WDR49: variants seen among roughly 807,000 people sequenced by gnomAD.
WDR49 encodes the protein WD repeat domain 49, also known as cilia- and flagella-associated protein 337.
In WDR49, 107 loss-of-function variants were observed where a neutral mutation model predicts 119.5. The observed-to-expected ratio is 0.90, with a 90% CI of 0.77 to 1.05. The LOEUF (loss-of-function observed/expected upper bound fraction) is 1.05. WDR49 is among the 50% of genes least tolerant of loss of function. The pLI is 0.00. For missense variants in WDR49, 1,240 were observed against 1,220.5 expected, an observed-to-expected ratio of 1.02 and a Z score of -0.24; for synonymous variants, 425 against 418.8, an observed-to-expected ratio of 1.01 and a Z score of -0.18.
Position 167,582,745 on chromosome 3 carries a change from T to C in WDR49, c.1276-6594A>G, listed in dbSNP as rs58465081. Among the ~76,000 whole-genome samples, 1,043 of 151,748 alleles carry C rather than the reference T, an allele frequency of 6.9e-3. 55 individuals carry two copies. In the East Asian group the frequency reaches 0.13, roughly 20 times the overall value. ...CAGGCAGACCACTTGGGGTCAGGAGTTGACCTGCCTGGCCAACATGGTGAA... is the reference window on the plus strand; with the variant it reads ...CAGGCAGACCACTTGGGGTCAGGAGCTGACCTGCCTGGCCAACATGGTGAA... On this transcript the variant is annotated intron_variant, in intron 7 of 18. Coordinates refer to ENST00000682715, the MANE Select transcript of WDR49 (RefSeq NM_001366157.1).
At chr3:167,520,334 G>A (rs1427140760) in intron 16 of WDR49, among the ~76,000 whole-genome samples, 1 of 152,034 alleles carries the variant, frequency 6.6e-6, no homozygotes, top group African/African-American at 2.4e-5. Context: ...ACAGGAATCT[G>A]TAATACTTGC....
intron 10 of WDR49, among the ~76,000 whole-genome samples, chr3:167,537,691 TG>T (rs1403391248): frequency 6.6e-6 from 1 of 152,096 alleles, no homozygotes; most frequent in Non-Finnish European, 1.5e-5. Flanking sequence ...TTGTGCCTGG[TG>T]GGGAAGGGAG....
chr3:167,536,521 A>G (rs1179957681), intron 11 of WDR49, among the ~76,000 whole-genome samples: 2 of 151,634 alleles, frequency 1.3e-5, no homozygotes, highest in East Asian at 1.9e-4. Flanking sequence ...TCTACTAAAA[A>G]TACAAAAAAC....
upstream of WDR49, among the ~76,000 whole-genome samples, chr3:167,657,541 C>G (rs182234262): frequency 2.0e-3 from 300 of 151,224 alleles, 2 homozygotes; most frequent in African/African-American, 7.0e-3. Flanking sequence ...TCCTCCCCCC[C>G]CACAATTTAT....
At chr3:167,489,584 G>C (rs1577192690) in intron 18 of WDR49, among the ~76,000 whole-genome samples, 1 of 152,136 alleles carries the variant, frequency 6.6e-6, no homozygotes, top group East Asian at 1.9e-4. Flanking sequence ...GAAAAGGAAA[G>C]ATGTGGTGGT....
At chr3:167,552,077 G>A (rs376427869) in intron 10 of WDR49, among the ~76,000 whole-genome samples, 8 of 152,106 alleles carry the variant, frequency 5.3e-5, no homozygotes, top group Non-Finnish European at 8.8e-5. Context: ...GAAACAGTAC[G>A]GCTTGTATGT....
At chr3:167,605,645 G>C (rs59289591) in intron 5 of WDR49, among the ~76,000 whole-genome samples, 4,449 of 152,260 alleles carry the variant, frequency 0.029, 194 homozygotes, top group East Asian at 0.17. Context: ...AAAGAAATCA[G>C]TGTGACTTTC....
chr3:167,635,917 T>A (rs768734138), intron 2 of WDR49, among the ~76,000 whole-genome samples: 14 of 151,758 alleles, frequency 9.2e-5, no homozygotes, highest in Admixed American at 2.6e-4. Context: ...ATTAAGTGTC[T>A]GTTCCATGCC....
intron 18 of WDR49, among the ~76,000 whole-genome samples, chr3:167,496,949 A>T (rs1253452504): frequency 6.6e-6 from 1 of 152,144 alleles, no homozygotes; most frequent in Non-Finnish European, 1.5e-5. Flanking sequence ...TTAATGTCTC[A>T]ATATCTGAAG....
At chr3:167,542,463 T>C (rs1481997379) in intron 10 of WDR49, among the ~76,000 whole-genome samples, 1 of 152,084 alleles carries the variant, frequency 6.6e-6, no homozygotes, top group Non-Finnish European at 1.5e-5. Flanking sequence ...GGAATAAAAT[T>C]GGAAATTAGC....
Position 167,526,360 on chromosome 3 carries a change from CG to C in WDR49, c.2604+1459del, listed in dbSNP as rs1577218072. On this transcript the variant is annotated intron_variant, in intron 15 of 18. Coordinates refer to ENST00000682715, the MANE Select transcript of WDR49 (RefSeq NM_001366157.1). ...ACGGTGTTATTTCTTGGTTCGACCC[CG>C]GATGTCTAAGGAACTTCTTAGGTCA... 2.0e-5 allele frequency among the ~76,000 whole-genome samples: 3 copies of C among 152,258 alleles called. No individual in the cohort carries two copies. In the East Asian group the frequency reaches 5.8e-4, roughly 29 times the overall value.
intron 9 of WDR49, among the ~76,000 whole-genome samples, chr3:167,559,475 C>T (rs1316784104): frequency 6.6e-6 from 1 of 152,020 alleles, no homozygotes; most frequent in Non-Finnish European, 1.5e-5. Context: ...AAATTAGCAC[C>T]TTCCTCCCAG....
intron 18 of WDR49, among the ~76,000 whole-genome samples, chr3:167,498,740 A>C (rs1034703137): frequency 6.6e-6 from 1 of 152,198 alleles, no homozygotes; most frequent in Non-Finnish European, 1.5e-5. Context: ...CCTCTGATAA[A>C]TAACATTTCC....
chr3:167,655,830 G>A (rs183821871), upstream of WDR49, among the ~76,000 whole-genome samples: 623 of 152,126 alleles, frequency 4.1e-3, 6 homozygotes, highest in African/African-American at 0.014. Context: ...CCTGGGAGGC[G>A]GAGGTTGCAG....
At chr3:167,534,733 C>G (rs1349857948) in intron 11 of WDR49, among the ~76,000 whole-genome samples, 2 of 152,108 alleles carry the variant, frequency 1.3e-5, no homozygotes, top group African/African-American at 4.8e-5. Context: ...CTATAAATTG[C>G]ATTCTTTGGC....
chr3:167,521,733 G>T (rs1474497218), intron 16 of WDR49, among the ~76,000 whole-genome samples: 1 of 152,092 alleles, frequency 6.6e-6, no homozygotes, highest in Non-Finnish European at 1.5e-5. Context: ...GCATGGTTTA[G>T]CAAAAGTGTA....
chr3:167,645,136 G>A (rs993282716), intron 2 of WDR49, among the ~76,000 whole-genome samples: 5 of 151,946 alleles, frequency 3.3e-5, no homozygotes, highest in African/African-American at 1.2e-4. Context: ...TGCTAAGGGG[G>A]AAATTTCATG....
At chr3:167,587,897 A>T (rs985454892) in intron 7 of WDR49, among the ~76,000 whole-genome samples, 1 of 152,222 alleles carries the variant, frequency 6.6e-6, no homozygotes, top group Non-Finnish European at 1.5e-5. Context: ...TAATAATCAC[A>T]TCAGGGTAAA....
chr3:167,514,546 T>C (rs1041595098), intron 16 of WDR49, among the ~76,000 whole-genome samples: 3 of 150,506 alleles, frequency 2.0e-5, no homozygotes, highest in African/African-American at 7.4e-5. Context: ...ACTAATGAAC[T>C]AGAGAACCAA....
Sources: gnomAD v4.1 joint callset for allele counts (sites outside exome capture counted in the v4.1 genomes callset) on GRCh38, gnomAD v4.1.1 for gene constraint, MANE v1.5 for transcripts, NCBI Gene and HGNC (gene_info 2026-07-23, HGNC 2026-07-21) for gene names.